Variants in FGF12 observed in about 807,000 individuals in gnomAD.
The protein encoded by FGF12 is fibroblast growth factor 12.
FGF12 carries 14 observed loss-of-function variants against 23.6 expected under a neutral mutation model. That is an observed-to-expected ratio of 0.59 (90% CI 0.39 to 0.93). The LOEUF is 0.93. Ranked by LOEUF, FGF12 falls within the 40% of genes least tolerant of loss-of-function variation. The pLI, the probability that FGF12 is intolerant of heterozygous loss-of-function variation, is 0.00. For missense variants in FGF12, 175 were observed against 217.8 expected (o/e 0.80, Z 1.24); for synonymous variants, 62 against 77.3 (o/e 0.80, Z 1.04).
chr3:192,518,089 T>G (rs1357415671), intron 2 of FGF12, among the ~76,000 whole-genome samples: 1 of 152,166 alleles, frequency 6.6e-6, no homozygotes, highest in East Asian at 1.9e-4. Flanking sequence ...ACTCAAAATT[T>G]TACTGGCAAT....
chr3:192,540,705 G>A (rs112113166), intron 2 of FGF12, among the ~76,000 whole-genome samples: 92 of 152,068 alleles, frequency 6.0e-4, no homozygotes, highest in Admixed American at 2.1e-3. Flanking sequence ...TTTTCCGTGA[G>A]GATGATGTGT....
chr3:192,442,508 G>A (rs528647218), intron 2 of FGF12, among the ~76,000 whole-genome samples: 1 of 152,336 alleles, frequency 6.6e-6, no homozygotes, highest in South Asian at 2.1e-4. Flanking sequence ...AGAGGGAAAA[G>A]AATCTGAAGA....
intron 4 of FGF12, among the ~76,000 whole-genome samples, chr3:192,281,625 T>C (rs1343251713): frequency 6.6e-6 from 1 of 152,112 alleles, no homozygotes; most frequent in East Asian, 1.9e-4. Context: ...GTCTCCATGC[T>C]GCCGAAGGTC....
intron 2 of FGF12, among the ~76,000 whole-genome samples, chr3:192,470,874 T>C (rs1197143533): frequency 6.6e-6 from 1 of 152,184 alleles, no homozygotes; most frequent in Non-Finnish European, 1.5e-5. Flanking sequence ...GGGCTTGTGC[T>C]GCGGCTGACC....
chr3:192,346,163 G>T (rs1717949816), intron 3 of FGF12, among the ~76,000 whole-genome samples: 1 of 151,906 alleles, frequency 6.6e-6, no homozygotes, highest in Non-Finnish European at 1.5e-5. Flanking sequence ...CTAAAGTATT[G>T]CATTTTACTC....
rs1269758853 is a variant in FGF12, at chr3:192,371,100, G to A, written c.14-10562C>T. The stretch of plus-strand genomic sequence containing the variant: ...TCACCCAGAGAAGTAGACCTGGAAT[G>A]AACATGGCTTTCCAGGCAGCTCAAA... On this transcript the variant is annotated intron_variant, in intron 2 of 5. Transcript: ENST00000445105. Among the ~76,000 whole-genome samples, 3 of 152,318 alleles carry A rather than the reference G, an allele frequency of 2.0e-5. No homozygotes were observed. In the East Asian group the frequency reaches 5.8e-4, roughly 29 times the overall value.
At chr3:192,695,232 C>T (rs1322294021) in intron 2 of FGF12, among the ~76,000 whole-genome samples, 1 of 152,054 alleles carries the variant, frequency 6.6e-6, no homozygotes, top group Non-Finnish European at 1.5e-5. Context: ...AAATACAAAC[C>T]TAGCATTTTT....
chr3:192,450,783 T>C (rs560197560), intron 2 of FGF12, among the ~76,000 whole-genome samples: 3 of 152,322 alleles, frequency 2.0e-5, no homozygotes, highest in Non-Finnish European at 4.4e-5. Flanking sequence ...TTAGCCTCCG[T>C]ATCTAATTGT....
At chr3:192,387,694 C>CA (rs557250807) in intron 2 of FGF12, among the ~76,000 whole-genome samples, 3,363 of 141,188 alleles carry the variant, frequency 0.024, 44 homozygotes, top group East Asian at 0.061. Context: ...AAAAAAAATA[C>CA]AAAAAAAAAA....
chr3:192,443,974 A>G (rs1254076831), intron 2 of FGF12, among the ~76,000 whole-genome samples: 2 of 152,188 alleles, frequency 1.3e-5, no homozygotes, highest in East Asian at 3.8e-4. Context: ...GGGCTTATCC[A>G]GGACTTACAG....
At position 192,434,588 on chromosome 3, in the gene FGF12, A is replaced by G. The variant is rs547658474; in HGVS notation, c.14-74050T>C. ...GTATGTACCTGGCAGAGAGGAAAGGAAAGAAGTGTTCTGTGATCAATCTTC... is the reference window on the plus strand; with the variant it reads ...GTATGTACCTGGCAGAGAGGAAAGGGAAGAAGTGTTCTGTGATCAATCTTC... On this transcript the variant is annotated intron_variant, in intron 2 of 5. Coordinates refer to ENST00000445105, the MANE Select transcript of FGF12 (RefSeq NM_004113.6). Among the ~76,000 whole-genome samples the G allele has an allele frequency of 6.6e-5, 10 of 152,262 alleles. 1 individual carries two copies. The South Asian group carries it at 2.1e-3, about 32-fold the overall frequency.
chr3:192,404,631 T>C lies in FGF12; in HGVS notation c.14-44093A>G, dbSNP rs552781466. ...TAAATAATGACTCAAATAATGACTA[T>C]AAGTACACTCTTTTCTCATTAGAAA... On this transcript the variant is annotated intron_variant, in intron 2 of 5. Transcript: ENST00000445105. 2.6e-5 allele frequency among the ~76,000 whole-genome samples: 4 copies of C among 152,332 alleles called. No individual in the cohort carries two copies. The East Asian group carries it at 7.7e-4, about 29-fold the overall frequency.
intron 2 of FGF12, among the ~76,000 whole-genome samples, chr3:192,415,466 G>T (rs551596697): frequency 2.0e-5 from 3 of 152,116 alleles, no homozygotes; most frequent in South Asian, 4.2e-4. Flanking sequence ...AGATTTTTGA[G>T]CCAAATAGAT....
intron 4 of FGF12, among the ~76,000 whole-genome samples, chr3:192,273,175 C>G (rs1435385293): frequency 6.6e-6 from 1 of 152,108 alleles, no homozygotes; most frequent in Non-Finnish European, 1.5e-5. Context: ...GCTACTGAAC[C>G]ACTTATGCTG....
intron 2 of FGF12, among the ~76,000 whole-genome samples, chr3:192,454,600 T>A (rs900722505): frequency 1.3e-5 from 2 of 152,202 alleles, no homozygotes; most frequent in Non-Finnish European, 2.9e-5. Flanking sequence ...TGTAGTCTGA[T>A]AAACATGGTG....
chr3:192,154,448 T>C (rs1714233898), intron 5 of FGF12, among the ~76,000 whole-genome samples: 1 of 122,710 alleles, frequency 8.1e-6, no homozygotes, highest in African/African-American at 3.0e-5. Context: ...TGTGGTTTTA[T>C]CTACTTTTGG....
intron 2 of FGF12, among the ~76,000 whole-genome samples, chr3:192,665,540 A>C (rs1481881564): frequency 6.8e-6 from 1 of 146,430 alleles, no homozygotes; most frequent in Non-Finnish European, 1.5e-5. Flanking sequence ...TGTTCTCATA[A>C]GTAGGAGTTA....
chr3:192,170,453 C>T lies in FGF12; in HGVS notation c.427+5G>A. 6.2e-7 allele frequency: 1 copy of T among 1,613,176 alleles called. No individual in the cohort carries two copies. Among genetic ancestry groups the T allele is most frequent in the Non-Finnish European group, 8.5e-7 (1 of 1,179,364 alleles). On this transcript the variant is annotated splice_donor_5th_base_variant and intron_variant, in intron 5 of 5. Coordinates refer to ENST00000445105, the MANE Select transcript of FGF12 (RefSeq NM_004113.6). The stretch of plus-strand genomic sequence containing the variant: ...TCCAACAAAGACAGTCAGTTGGTTT[C>T]ATACCTTCAATAGGTTTCGGTACAA...
At chr3:192,480,467 G>C (rs1161261781) in intron 2 of FGF12, among the ~76,000 whole-genome samples, 1 of 152,142 alleles carries the variant, frequency 6.6e-6, no homozygotes, top group African/African-American at 2.4e-5. Flanking sequence ...TGCTGTGCTG[G>C]CCAGTGCAAA....
Sources: allele counts gnomAD v4.1 joint callset (sites outside exome capture counted in the v4.1 genomes callset), GRCh38; gene constraint gnomAD v4.1.1; transcripts MANE v1.5; gene names NCBI Gene and HGNC (gene_info 2026-07-23, HGNC 2026-07-21).